Variants in UNC13A observed in about 807,000 individuals in gnomAD.
UNC13A encodes the protein unc-13 homolog A, also known as protein unc-13 homolog A.
Under a neutral mutation model 219.7 loss-of-function variants are expected in UNC13A, and 61 were observed. The ratio of observed to expected loss-of-function variants is 0.28; its 90% CI spans 0.23 to 0.34. The LOEUF is 0.34. Among genes scored for constraint, UNC13A ranks in the 10% least tolerant of loss-of-function variants. The pLI, the probability that UNC13A is intolerant of heterozygous loss-of-function variation, is 1.00. For synonymous variants in UNC13A, 920 were observed against 884.6 expected (o/e 1.04, Z -0.71); for missense variants, 1,476 against 2,270.3 (o/e 0.65, Z 7.11).
At chr19:17,631,163 C>CTCCT (rs1386003178) in intron 28 of UNC13A, among the ~76,000 whole-genome samples, 1 of 24,496 alleles carries the variant, frequency 4.1e-5, no homozygotes, top group East Asian at 6.6e-4. Context: ...TTCTCCCTCC[C>CTCCT]TCCCTCCCTC....
rs961533216 is a variant in UNC13A, at chr19:17,632,840, A to C, written c.3370T>G (p.Tyr1124Asp). Residue 1124 changes from tyrosine to aspartate, a missense_variant, in exon 28 of 44, where the codon TAC becomes GAC. Tyr to Asp is a radical substitution (Grantham distance 160, BLOSUM62 -3). Coordinates refer to ENST00000519716, the MANE Select transcript of UNC13A (RefSeq NM_001080421.3). Reference sequence around the variant, plus strand: ...GGAAGTTCCGTCACATACTCATTGTAGAGCCATTTCACCTTGAAGTGGAGG... The same window carrying C: ...GGAAGTTCCGTCACATACTCATTGTCGAGCCATTTCACCTTGAAGTGGAGG... ...MNLHFKVKWLYNEYVTELPAF... is the reference protein window; with the variant it reads ...MNLHFKVKWLDNEYVTELPAF... The C allele has an allele frequency of 1.2e-6, 2 of 1,613,886 alleles. No individual in the cohort carries two copies. The highest frequency in any genetic ancestry group is 1.7e-6 in the Non-Finnish European group (2 of 1,179,906).
chr19:17,628,192 G>A (rs1459952054), intron 31 of UNC13A: 2 of 540,132 alleles, frequency 3.7e-6, no homozygotes, highest in East Asian at 3.1e-5. Context: ...CCTGGTGGGG[G>A]GTCCATGAGA....
intron 1 of UNC13A, among the ~76,000 whole-genome samples, chr19:17,685,188 C>G (rs1242815238): frequency 6.7e-6 from 1 of 150,302 alleles, no homozygotes; most frequent in Non-Finnish European, 1.5e-5. Context: ...AGTGTTAGGA[C>G]ATGAGTGAAT....
rs1187369871 is a variant in UNC13A, at chr19:17,603,822, G to C, written c.*2232C>G. On this transcript the variant is annotated 3_prime_UTR_variant, in exon 44 of 44. Transcript: ENST00000519716. ...ATTTTTTTTTTTTTTTGGTGGGGTA[G>C]AGGGGAGGGAATGGAGTATTGTTCT... 1 of 150,900 alleles carries C rather than the reference G, an allele frequency of 6.6e-6. No homozygotes were observed. 9.3% of individuals were successfully genotyped at this position (150,900 alleles called of 1,614,324 possible). A position where few individuals can be genotyped will look rare whatever the true frequency, so the allele number is the denominator to read the frequency against.
intron 26 of UNC13A, among the ~76,000 whole-genome samples, chr19:17,634,881 G>GT (rs976809699): frequency 2.4e-3 from 360 of 149,868 alleles, no homozygotes; most frequent in African/African-American, 8.1e-3. Context: ...TGTTTTTTCT[G>GT]TTTTTTTTGA....
chr19:17,669,558 G>T lies in UNC13A; in HGVS notation c.389C>A (p.Pro130His). ...RILLDTRFELPLDIPEEEARY... is the reference protein window; with the variant it reads ...RILLDTRFELHLDIPEEEARY... ...TCCCGGGCCCCTGTACTCACCTAAG[G>T]GTAGCTCAAAGCGCGTGTCCAGGAG... The change falls in exon 5 of 44, where the codon CCC (proline) becomes CAC (histidine). Residue 130 changes from proline to histidine, a missense_variant. Pro to His is a moderately conservative substitution (Grantham distance 77). Transcript: ENST00000519716. 1.2e-6 allele frequency: 2 copies of T among 1,613,660 alleles called. No individual in the cohort carries two copies. The highest frequency in any genetic ancestry group is 1.7e-6 in the Non-Finnish European group (2 of 1,179,698).
rs1010271266 is a variant in UNC13A, at chr19:17,674,481, G to A, written c.152+176C>T. Among the ~76,000 whole-genome samples, 1 of 152,170 alleles carries A rather than the reference G, an allele frequency of 6.6e-6. No homozygotes were observed. Reference sequence around the variant, plus strand: ...TTGGCTGGTGGCTGCGGAGACCAAGGGAAGTGATTGGATTGGGGATGTGTT... The same window carrying A: ...TTGGCTGGTGGCTGCGGAGACCAAGAGAAGTGATTGGATTGGGGATGTGTT... On this transcript the variant is annotated intron_variant, in intron 3 of 43. Coordinates refer to ENST00000519716, the MANE Select transcript of UNC13A (RefSeq NM_001080421.3). The surrounding 1 kb of genome is among the most constrained non-coding windows in gnomAD (Gnocchi z 5.0).
At chr19:17,643,038 T>C (rs1253338624) in intron 19 of UNC13A, 78 bp from the exon 20 acceptor site, 402 of 986,894 alleles carry the variant, frequency 4.1e-4, no homozygotes, top group Non-Finnish European at 5.4e-4. Context: ...TAAGAGGGAG[T>C]CTTGCTCTTG....
intron 8 of UNC13A, among the ~76,000 whole-genome samples, chr19:17,659,407 C>T (rs2079513907): frequency 2.6e-5 from 4 of 152,016 alleles, no homozygotes; most frequent in Admixed American, 2.0e-4. Flanking sequence ...CACACCTCTG[C>T]ACTCCAGGGG....
At position 17,655,334 on chromosome 19, in the gene UNC13A, C is replaced by T. The variant is rs761195107; in HGVS notation, c.1332G>A (p.Met444Ile). 7 of 1,592,388 alleles carry T rather than the reference C, an allele frequency of 4.4e-6. No homozygotes were observed. In the South Asian group the frequency reaches 8.0e-5, roughly 18 times the overall value. Residue 444 changes from methionine to isoleucine, a missense_variant, in exon 11 of 44, where the codon ATG becomes ATA. Physicochemically the swap from Met to Ile is conservative, Grantham distance 10. This residue lies in a region of UNC13A where 351 missense variants were observed against 342.6 expected (regional missense o/e 1.02). Coordinates refer to ENST00000519716, the MANE Select transcript of UNC13A (RefSeq NM_001080421.3). ...GCAGCCAGTTGGCCTTGGCCCTGGA[C>T]ATGGAGTCCTGCCCCTCCTGGCCTT... ...DEEGQEGQDSMSRAKANWLRA... is the reference protein window; with the variant it reads ...DEEGQEGQDSISRAKANWLRA...
intron 20 of UNC13A, 66 bp downstream of exon 20, chr19:17,642,779 G>T: frequency 7.3e-7 from 1 of 1,377,116 alleles, no homozygotes; most frequent in East Asian, 2.5e-5. Flanking sequence ...CCAGAAAGAG[G>T]AAGAGCTGGG....
chr19:17,650,559 C>T (rs2079325316), intron 12 of UNC13A, among the ~76,000 whole-genome samples: 1 of 152,090 alleles, frequency 6.6e-6, no homozygotes. Flanking sequence ...CTCATTGCAA[C>T]CTCTGCCTCC....
intron 1 of UNC13A, among the ~76,000 whole-genome samples, chr19:17,686,561 G>C (rs1187908316): frequency 6.6e-6 from 1 of 151,692 alleles, no homozygotes; most frequent in African/African-American, 2.4e-5. Flanking sequence ...GGGTCGCCTA[G>C]GGGTCTCCTT....
At chr19:17,628,970 C>T (rs529380005) in intron 31 of UNC13A, among the ~76,000 whole-genome samples, 59 of 152,142 alleles carry the variant, frequency 3.9e-4, no homozygotes, top group Middle Eastern at 3.4e-3. Flanking sequence ...CAGACTCACA[C>T]ACACACACAC....
chr19:17,675,709 C>A (rs760725195), intron 2 of UNC13A, among the ~76,000 whole-genome samples: 1 of 152,042 alleles, frequency 6.6e-6, no homozygotes, highest in African/African-American at 2.4e-5. Context: ...CCACCTGTAG[C>A]CCCATCTAAG....
intron 11 of UNC13A, among the ~76,000 whole-genome samples, 179 bp downstream of exon 11, chr19:17,655,095 T>G (rs1242980883): frequency 6.6e-6 from 1 of 151,890 alleles, no homozygotes; most frequent in Non-Finnish European, 1.5e-5. Context: ...AGGGCTCGAG[T>G]GGCTGGGGCA....
chr19:17,612,020 A>G, intron 41 of UNC13A, 165 bp from the exon 42 acceptor site: 1 of 568,642 alleles, frequency 1.8e-6, no homozygotes, highest in Non-Finnish European at 3.1e-6. Flanking sequence ...TTGGGAAGCC[A>G]AGAATCCTGG....
intron 41 of UNC13A, chr19:17,614,346 CT>C (rs2076638297): frequency 2.0e-5 from 3 of 152,162 alleles, no homozygotes; most frequent in Non-Finnish European, 2.9e-5. Context: ...AAAAAGTTCC[CT>C]TGTCTGCTTG....
chr19:17,611,989 G>A (rs2076609381), intron 41 of UNC13A, 134 bp from the exon 42 acceptor site: 3 of 651,450 alleles, frequency 4.6e-6, no homozygotes, highest in African/African-American at 1.8e-5. Context: ...CACTGATGGG[G>A]GGCCAGGATG....
Sources: gnomAD v4.1 joint callset for allele counts (sites outside exome capture counted in the v4.1 genomes callset) on GRCh38, gnomAD v4.1.1 for gene constraint, gnomAD v4.1.1 regional missense constraint, Gnocchi (gnomAD v3.1) non-coding constraint, MANE v1.5 for transcripts, NCBI Gene and HGNC (gene_info 2026-07-23, HGNC 2026-07-21) for gene names.